RALYL: variants seen among roughly 807,000 people sequenced by gnomAD.
The protein encoded by RALYL is RNA-binding Raly-like protein.
Under a neutral mutation model 35.1 loss-of-function variants are expected in RALYL, and 29 were observed. The ratio of observed to expected loss-of-function variants is 0.83; its 90% CI spans 0.61 to 1.13. The LOEUF (loss-of-function observed/expected upper bound fraction) is 1.13. Among genes scored for constraint, RALYL ranks in the 50% most tolerant of loss-of-function variants. RALYL has a pLI of 0.00. For missense variants in RALYL, 359 were observed against 360.4 expected (o/e 1.00, Z 0.03); for synonymous variants, 120 against 127.6 (o/e 0.94, Z 0.40).
At chr8:84,521,870 C>T (rs2058487339) in intron 1 of RALYL, among the ~76,000 whole-genome samples, 2 of 152,112 alleles carry the variant, frequency 1.3e-5, no homozygotes, top group Non-Finnish European at 2.9e-5. Flanking sequence ...TAATCTCAAT[C>T]TCCAGATGAA....
intron 1 of RALYL, among the ~76,000 whole-genome samples, chr8:84,230,429 CAG>C (rs1357135604): frequency 6.6e-6 from 1 of 151,970 alleles, no homozygotes; most frequent in African/African-American, 2.4e-5. Context: ...CATGATTAAA[CAG>C]AACTTTCTGG....
intron 2 of RALYL, among the ~76,000 whole-genome samples, chr8:84,543,145 A>G (rs1410721883): frequency 6.6e-6 from 1 of 151,998 alleles, no homozygotes; most frequent in African/African-American, 2.4e-5. Flanking sequence ...ATTCAGGTGG[A>G]ATTTTTTAAA....
chr8:84,709,792 G>C (rs1429667973), intron 2 of RALYL, among the ~76,000 whole-genome samples: 1 of 152,138 alleles, frequency 6.6e-6, no homozygotes, highest in Non-Finnish European at 1.5e-5. Context: ...CAGGCGCAGT[G>C]TCTCATGCCT....
At chr8:84,287,354 AAAAAGTT>A (rs1438929365) in intron 1 of RALYL, among the ~76,000 whole-genome samples, 9 of 2,470 alleles carry the variant, frequency 3.6e-3, no homozygotes, top group East Asian at 0.042. Flanking sequence ...TCAAAATCAC[AAAAAGTT>A]ACAGTTGGGC....
chr8:84,745,912 T>TC (rs1166102166), intron 2 of RALYL, among the ~76,000 whole-genome samples: 1 of 152,016 alleles, frequency 6.6e-6, no homozygotes, highest in Non-Finnish European at 1.5e-5. Context: ...GCATCATGGT[T>TC]CAGCCAGATT....
Position 84,716,632 on chromosome 8 carries a change from G to T in RALYL, c.257-57947G>T, listed in dbSNP as rs140310190. On this transcript the variant is annotated intron_variant, in intron 2 of 8. Coordinates refer to ENST00000521268, the MANE Select transcript of RALYL (RefSeq NM_173848.7). ...TGATACACTCAATTTTGATAAATGG[G>T]TCCAAACTCTCCTAAAGAAGCTGTA... Among the ~76,000 whole-genome samples, 639 of 152,160 alleles carry T rather than the reference G, an allele frequency of 4.2e-3. 3 individuals carry two copies. The highest frequency in any genetic ancestry group is 0.015 in the African/African-American group (604 of 41,504).
intron 4 of RALYL, among the ~76,000 whole-genome samples, chr8:84,830,495 G>A (rs1830671316): frequency 6.6e-6 from 1 of 152,100 alleles, no homozygotes; most frequent in Admixed American, 6.6e-5. Flanking sequence ...GAACCAGTCT[G>A]GGTTGCAGCA....
At chr8:84,299,964 CA>C (rs1327558725) in intron 1 of RALYL, among the ~76,000 whole-genome samples, 2 of 151,838 alleles carry the variant, frequency 1.3e-5, no homozygotes, top group African/African-American at 4.8e-5. Context: ...ACATTCAGTT[CA>C]GTTCTGATTT....
intron 1 of RALYL, among the ~76,000 whole-genome samples, chr8:84,342,889 C>G (rs567030869): frequency 6.6e-6 from 1 of 152,070 alleles, no homozygotes; most frequent in South Asian, 2.1e-4. Flanking sequence ...TCTAGCTTTT[C>G]CTACTGTTTG....
chr8:84,656,787 A>C (rs1165762312), intron 2 of RALYL, among the ~76,000 whole-genome samples: 1 of 152,144 alleles, frequency 6.6e-6, no homozygotes, highest in East Asian at 1.9e-4. Context: ...GAAAAAATAT[A>C]TTTTAAAATG....
At chr8:84,916,034 T>C (rs1428802236) in intron 8 of RALYL, among the ~76,000 whole-genome samples, 1 of 152,074 alleles carries the variant, frequency 6.6e-6, no homozygotes, top group African/African-American at 2.4e-5. Context: ...AGTTACTGTA[T>C]ATGGTATGCT....
chr8:84,371,848 G>A (rs1855790746), intron 1 of RALYL, among the ~76,000 whole-genome samples: 1 of 151,984 alleles, frequency 6.6e-6, no homozygotes, highest in African/African-American at 2.4e-5. Flanking sequence ...TACATATATA[G>A]AGAGACAGCA....
chr8:84,387,513 T>C (rs1859493359), intron 1 of RALYL, among the ~76,000 whole-genome samples: 1 of 151,960 alleles, frequency 6.6e-6, no homozygotes, highest in South Asian at 2.1e-4. Flanking sequence ...CAGTCCTGAC[T>C]CCTGCCTCCA....
chr8:84,643,975 G>A (rs543950041), intron 2 of RALYL, among the ~76,000 whole-genome samples: 14 of 152,090 alleles, frequency 9.2e-5, no homozygotes, highest in Admixed American at 3.3e-4. Flanking sequence ...CTGGAAACTT[G>A]CAGATGGGTC....
chr8:84,322,592 C>G (rs1004929106), intron 1 of RALYL, among the ~76,000 whole-genome samples: 1 of 152,062 alleles, frequency 6.6e-6, no homozygotes, highest in African/African-American at 2.4e-5. Flanking sequence ...AGCCAGAGAC[C>G]TAACCTTAAC....
At chr8:84,282,300 A>C (rs1267333151) in intron 1 of RALYL, among the ~76,000 whole-genome samples, 2 of 151,470 alleles carry the variant, frequency 1.3e-5, no homozygotes, top group Non-Finnish European at 3.0e-5. Flanking sequence ...CTAGATTGTA[A>C]GTTCCACCAG....
chr8:84,308,575 G>A (rs1842236468), intron 1 of RALYL, among the ~76,000 whole-genome samples: 1 of 152,104 alleles, frequency 6.6e-6, no homozygotes, highest in Non-Finnish European at 1.5e-5. Flanking sequence ...GCATGCTAGG[G>A]AGTGAAGTTG....
intron 2 of RALYL, among the ~76,000 whole-genome samples, chr8:84,633,381 TA>T (rs1251093022): frequency 2.0e-5 from 3 of 151,404 alleles, no homozygotes; most frequent in East Asian, 3.9e-4. Context: ...CCCCTGACTT[TA>T]AAAAAAAATT....
intron 2 of RALYL, among the ~76,000 whole-genome samples, chr8:84,537,277 T>G (rs2059680074): frequency 6.6e-6 from 1 of 151,738 alleles, no homozygotes. Context: ...TCAGACCTGC[T>G]TGGGCAACAT....
Sources: allele counts gnomAD v4.1 joint callset (sites outside exome capture counted in the v4.1 genomes callset), GRCh38; gene constraint gnomAD v4.1.1; transcripts MANE v1.5; gene names NCBI Gene and HGNC (gene_info 2026-07-23, HGNC 2026-07-21).